The following KBTBD13 variants were observed in gnomAD, a reference collection of about 807,000 sequenced individuals.
The protein encoded by KBTBD13 is kelch repeat and BTB domain containing 13, also known as kelch repeat and BTB domain-containing protein 13.
Under a neutral mutation model 25.4 loss-of-function variants are expected in KBTBD13, and 32 were observed. The observed-to-expected ratio is 1.26, with a 90% CI of 0.95 to 1.69. The LOEUF (loss-of-function observed/expected upper bound fraction) is 1.69, where lower values mean the gene tolerates loss of function less well. Ranked by LOEUF, KBTBD13 falls within the 40% of genes most tolerant of loss-of-function variation. KBTBD13 has a pLI of 0.00. For synonymous variants in KBTBD13, 436 were observed against 329.8 expected, an observed-to-expected ratio of 1.32 and a Z score of -3.49; for missense variants, 898 against 679.5, an observed-to-expected ratio of 1.32 and a Z score of -3.57.
At position 65,078,391 on chromosome 15, in the gene KBTBD13, G is replaced by C. The variant is rs2087011274; in HGVS notation, c.*199G>C. On this transcript the variant is annotated 3_prime_UTR_variant, in exon 1 of 1. Transcript: ENST00000432196. ...GATGCCCTCAAATTACTTGGGCTCT[G>C]CTGAGAGCTGGTGGGTCACAATGTC... Among the ~76,000 whole-genome samples the C allele has an allele frequency of 6.6e-6, 1 of 152,220 alleles. No homozygotes were observed.
At position 65,077,042 on chromosome 15, in the gene KBTBD13, A is replaced by G; in HGVS notation, c.227A>G (p.Asp76Gly). The change falls in exon 1 of 1, where the codon GAC (aspartate) becomes GGC (glycine). Residue 76 changes from aspartate to glycine, a missense_variant. Coordinates refer to ENST00000432196, the MANE Select transcript of KBTBD13 (RefSeq NM_001101362.3). ...GACCGGCCGGCGCTGGCGGCGGAGG[A>G]CGAGCTGCTGCAGGCCGTGGAGTGC... Reference protein sequence around the residue: ...RGDRPALAAEDELLQAVECAA... With the variant: ...RGDRPALAAEGELLQAVECAA... 6.7e-7 allele frequency: 1 copy of G among 1,502,030 alleles called. No individual in the cohort carries two copies. The highest frequency in any genetic ancestry group is 8.9e-7 in the Non-Finnish European group (1 of 1,128,706). The allele number at this position is 1,502,030 out of a possible 1,614,324, so 93.0% of individuals were successfully genotyped here.
Position 65,078,100 on chromosome 15 carries a change from G to C in KBTBD13, c.1285G>C (p.Gly429Arg), listed in dbSNP as rs996773404. Residue 429 changes from glycine (G) to arginine (R), a missense_variant, in exon 1 of 1, where the codon GGC becomes CGC. Transcript: ENST00000432196. ...CTGGCGGCTGCTCAGGGAGAAAGCC[G>C]GCTTCCCGCGGCCCGGCTCCTTGCA... ...GTWRLLREKAGFPRPGSLQTF... is the reference protein window; with the variant it reads ...GTWRLLREKARFPRPGSLQTF... The C allele has an allele frequency of 2.5e-6, 4 of 1,583,832 alleles. No homozygotes were observed. Among genetic ancestry groups the C allele is most frequent in the Non-Finnish European group, 3.4e-6 (4 of 1,171,450 alleles).
At position 65,078,150 on chromosome 15, in the gene KBTBD13, T is replaced by C; in HGVS notation, c.1335T>C (p.Pro445=). Residue 445 remains proline (P), a synonymous_variant, in exon 1 of 1, where the codon CCT becomes CCC. Transcript: ENST00000432196. ...AGACCTTTCTCCTAAGGCTGCCTCC[T>C]GGCGCTCCTGGGCCTGTGACTTCGA... ...SLQTFLLRLP[P]GAPGPVTSTT... 1 of 1,546,552 alleles carries C rather than the reference T, an allele frequency of 6.5e-7. No individual in the cohort carries two copies. The highest frequency in any genetic ancestry group is 8.7e-7 in the Non-Finnish European group (1 of 1,151,130).
In KBTBD13 at chr15:65,078,227, C is replaced by A; in HGVS notation, c.*35C>A. The A allele has an allele frequency of 6.6e-7, 1 of 1,526,484 alleles. No individual in the cohort carries two copies. Among genetic ancestry groups the A allele is most frequent in the Non-Finnish European group, 8.8e-7 (1 of 1,139,990 alleles). The allele number at this position is 1,526,484 out of a possible 1,614,324, so 94.6% of individuals were successfully genotyped here. On this transcript the variant is annotated 3_prime_UTR_variant, in exon 1 of 1. Transcript: ENST00000432196. The stretch of plus-strand genomic sequence containing the variant: ...TGGCTTTAGGAGGGAGGAGACGCCG[C>A]GACTCCTCCCTGAGCTATGGCTGAG...
In KBTBD13 at chr15:65,077,276, C is replaced by G. The variant is rs2086987667; in HGVS notation, c.461C>G (p.Pro154Arg). 1 of 1,399,310 alleles carries G rather than the reference C, an allele frequency of 7.1e-7. No individual in the cohort carries two copies. Among genetic ancestry groups the G allele is most frequent in the Non-Finnish European group, 9.2e-7 (1 of 1,083,008 alleles). 86.7% of individuals were successfully genotyped at this position (1,399,310 alleles called of 1,614,324 possible). Residue 154 changes from proline to arginine, a missense_variant, in exon 1 of 1, where the codon CCC (proline) becomes CGC (arginine). Pro to Arg is a moderately radical substitution (Grantham distance 103). Coordinates refer to ENST00000432196, the MANE Select transcript of KBTBD13 (RefSeq NM_001101362.3). Reference protein sequence around the residue: ...EARAYVAALRPSSYAAVSTHT... With the variant: ...EARAYVAALRRSSYAAVSTHT... The stretch of plus-strand genomic sequence containing the variant: ...CGCGCCTACGTGGCGGCCCTGCGGC[C>G]CAGCAGCTACGCGGCCGTGAGCACG...
Position 65,078,061 on chromosome 15 carries a change from A to T in KBTBD13, c.1246A>T (p.Ile416Phe), listed in dbSNP as rs763604024. The part of the protein sequence containing the change: ...VNRMFTLLYA[I>F]EGGTWRLLRE... The stretch of plus-strand genomic sequence containing the variant: ...CCGCATGTTCACGCTGCTCTACGCC[A>T]TCGAGGGCGGCACCTGGCGGCTGCT... The change falls in exon 1 of 1, where the codon ATC (isoleucine) becomes TTC (phenylalanine). Residue 416 changes from isoleucine (I) to phenylalanine (F), a missense_variant. By Grantham distance (21) the Ile-to-Phe change is conservative. Coordinates refer to ENST00000432196, the MANE Select transcript of KBTBD13 (RefSeq NM_001101362.3). 5 of 1,600,656 alleles carry T rather than the reference A, an allele frequency of 3.1e-6. No homozygotes were observed. Among genetic ancestry groups the T allele is most frequent in the Non-Finnish European group, 3.4e-6 (4 of 1,178,982 alleles).
chr15:65,077,824 C>T lies in KBTBD13; in HGVS notation c.1009C>T (p.Arg337Trp), dbSNP rs1566960417. The change falls in exon 1 of 1, where the codon CGG becomes TGG. Residue 337 changes from arginine (R) to tryptophan (W), a missense_variant. Arg to Trp is a moderately radical substitution (Grantham distance 101). Coordinates refer to ENST00000432196, the MANE Select transcript of KBTBD13 (RefSeq NM_001101362.3). ...TDAWLPVAEL[R>W]RPQSYGHCMV... Reference sequence around the variant, plus strand: ...CGCGTGGCTGCCAGTGGCCGAGCTGCGGCGTCCGCAGAGCTATGGCCACTG... The same window carrying T: ...CGCGTGGCTGCCAGTGGCCGAGCTGTGGCGTCCGCAGAGCTATGGCCACTG... 2 of 1,606,022 alleles carry T rather than the reference C, an allele frequency of 1.2e-6. No homozygotes were observed. The highest frequency in any genetic ancestry group is 1.7e-6 in the Non-Finnish European group (2 of 1,178,664).
In KBTBD13 at chr15:65,077,338, C is replaced by T. The variant is rs1257424632; in HGVS notation, c.523C>T (p.Arg175Cys). 2.1e-6 allele frequency: 3 copies of T among 1,463,036 alleles called. No homozygotes were observed. Among genetic ancestry groups the T allele is most frequent in the Admixed American group, 2.4e-5 (1 of 41,294 alleles). 90.6% of individuals were successfully genotyped at this position (1,463,036 alleles called of 1,614,324 possible). The change falls in exon 1 of 1, where the codon CGC becomes TGC. Residue 175 changes from arginine to cysteine, a missense_variant. Coordinates refer to ENST00000432196, the MANE Select transcript of KBTBD13 (RefSeq NM_001101362.3). Reference protein sequence around the residue: ...PAPGFLEDASRTLCYLDEEED... With the variant: ...PAPGFLEDASCTLCYLDEEED... ...GCCCGGCTTCCTGGAGGACGCCTCGCGCACGCTGTGTTACCTGGACGAGGA... is the reference window on the plus strand; with the variant it reads ...GCCCGGCTTCCTGGAGGACGCCTCGTGCACGCTGTGTTACCTGGACGAGGA...
rs1043376338 is a variant in KBTBD13, at chr15:65,077,164, G to A, written c.349G>A (p.Gly117Ser). The change falls in exon 1 of 1, where the codon GGC (glycine) becomes AGC (serine). Residue 117 changes from glycine to serine, a missense_variant. Transcript: ENST00000432196. ...ALLCDAAAAFGLRDVFHSAAL... is the reference protein window; with the variant it reads ...ALLCDAAAAFSLRDVFHSAAL... The stretch of plus-strand genomic sequence containing the variant: ...GCTGTGCGACGCGGCCGCCGCCTTC[G>A]GCCTGCGCGACGTGTTCCACAGTGC... 7 of 1,508,908 alleles carry A rather than the reference G, an allele frequency of 4.6e-6. No homozygotes were observed. The highest frequency in any genetic ancestry group is 5.2e-5 in the East Asian group (2 of 38,568). The allele number at this position is 1,508,908 out of a possible 1,614,324, so 93.5% of individuals were successfully genotyped here.
Position 65,079,176 on chromosome 15 carries a change from TTCAGG to T in KBTBD13, c.*989_*993del, listed in dbSNP as rs2087016560. Among the ~76,000 whole-genome samples the T allele has an allele frequency of 6.6e-6, 1 of 152,220 alleles. No homozygotes were observed. Among genetic ancestry groups the T allele is most frequent in the Non-Finnish European group, 1.5e-5 (1 of 68,032 alleles). ...GCAGTGGACTGTTAACCCACATGACTTCAGGTCAGTTGAGGTATGAGCCAAATCCT... is the reference window on the plus strand; with the variant it reads ...GCAGTGGACTGTTAACCCACATGACTTCAGTTGAGGTATGAGCCAAATCCT... On this transcript the variant is annotated 3_prime_UTR_variant, in exon 1 of 1. Coordinates refer to ENST00000432196, the MANE Select transcript of KBTBD13 (RefSeq NM_001101362.3).
In KBTBD13 at chr15:65,077,533, G is replaced by T. The variant is rs1293899823; in HGVS notation, c.718G>T (p.Glu240Ter). 1 of 1,529,794 alleles carries T rather than the reference G, an allele frequency of 6.5e-7. No individual in the cohort carries two copies. Among genetic ancestry groups the T allele is most frequent in the Admixed American group, 1.9e-5 (1 of 52,216 alleles). 94.8% of individuals were successfully genotyped at this position (1,529,794 alleles called of 1,614,324 possible). The change falls in exon 1 of 1, where the codon GAG (glutamate) becomes TAG (stop). Residue 240 changes from glutamate to a stop codon, truncating the protein, a stop_gained. Transcript: ENST00000432196. LOFTEE classifies it high-confidence loss of function. The part of the protein sequence containing the change: ...CYDPDGGTWH[E>*]FPSPHQPRYD... ...CGACCCCGACGGCGGCACGTGGCACGAGTTCCCCAGCCCGCACCAGCCGCG... is the reference window on the plus strand; with the variant it reads ...CGACCCCGACGGCGGCACGTGGCACTAGTTCCCCAGCCCGCACCAGCCGCG...
In KBTBD13 at chr15:65,077,052, G is replaced by A. The variant is rs758755897; in HGVS notation, c.237G>A (p.Leu79=). 3 of 1,508,164 alleles carry A rather than the reference G, an allele frequency of 2.0e-6. No individual in the cohort carries two copies. The South Asian group carries it at 3.7e-5, about 19-fold the overall frequency. 93.4% of individuals were successfully genotyped at this position (1,508,164 alleles called of 1,614,324 possible). Residue 79 remains leucine, a synonymous_variant, in exon 1 of 1, where the codon CTG becomes CTA. Transcript: ENST00000432196. The stretch of plus-strand genomic sequence containing the variant: ...CGCTGGCGGCGGAGGACGAGCTGCT[G>A]CAGGCCGTGGAGTGCGCCGCCTTCC... ...RPALAAEDEL[L]QAVECAAFLQ... is the part of the protein sequence containing the mutation.
At position 65,077,167 on chromosome 15, in the gene KBTBD13, C is replaced by T. The variant is rs1315764343; in HGVS notation, c.352C>T (p.Leu118=). 1 of 1,507,982 alleles carries T rather than the reference C, an allele frequency of 6.6e-7. No individual in the cohort carries two copies. The highest frequency in any genetic ancestry group is 8.8e-7 in the Non-Finnish European group (1 of 1,133,600). The allele number at this position is 1,507,982 out of a possible 1,614,324, so 93.4% of individuals were successfully genotyped here. ...GTGCGACGCGGCCGCCGCCTTCGGC[C>T]TGCGCGACGTGTTCCACAGTGCCGC... The part of the protein sequence containing the change: ...LLCDAAAAFG[L]RDVFHSAALF... Residue 118 remains leucine, a synonymous_variant, in exon 1 of 1, where the codon CTG becomes TTG. Coordinates refer to ENST00000432196, the MANE Select transcript of KBTBD13 (RefSeq NM_001101362.3).
Position 65,077,314 on chromosome 15 carries a change from C to T in KBTBD13, c.499C>T (p.Pro167Ser). Residue 167 changes from proline to serine, a missense_variant, in exon 1 of 1, where the codon CCC becomes TCC. Coordinates refer to ENST00000432196, the MANE Select transcript of KBTBD13 (RefSeq NM_001101362.3). ...YAAVSTHTPA[P>S]GFLEDASRTL... ...GGCCGTGAGCACGCACACGCCCGCGCCCGGCTTCCTGGAGGACGCCTCGCG... is the reference window on the plus strand; with the variant it reads ...GGCCGTGAGCACGCACACGCCCGCGTCCGGCTTCCTGGAGGACGCCTCGCG... The T allele has an allele frequency of 7.0e-7, 1 of 1,423,814 alleles. No homozygotes were observed. Among genetic ancestry groups the T allele is most frequent in the Non-Finnish European group, 9.2e-7 (1 of 1,092,852 alleles). The allele number at this position is 1,423,814 out of a possible 1,614,324, so 88.2% of individuals were successfully genotyped here. A position where few individuals can be genotyped will look rare whatever the true frequency, so the allele number is the denominator to read the frequency against.
At position 65,079,051 on chromosome 15, in the gene KBTBD13, C is replaced by G. The variant is rs1384675456; in HGVS notation, c.*859C>G. 2.0e-5 allele frequency among the ~76,000 whole-genome samples: 3 copies of G among 152,154 alleles called. No homozygotes were observed. Among genetic ancestry groups the G allele is most frequent in the African/African-American group, 4.8e-5 (2 of 41,424 alleles). Reference sequence around the variant, plus strand: ...TGACTGAGCTGAGCCTGGAGTGAGACCTGTGGGGGCGAGAGGATTCTTCAC... The same window carrying G: ...TGACTGAGCTGAGCCTGGAGTGAGAGCTGTGGGGGCGAGAGGATTCTTCAC... On this transcript the variant is annotated 3_prime_UTR_variant, in exon 1 of 1. Coordinates refer to ENST00000432196, the MANE Select transcript of KBTBD13 (RefSeq NM_001101362.3).
Position 65,077,692 on chromosome 15 carries a change from C to A in KBTBD13, c.877C>A (p.Gln293Lys), listed in dbSNP as rs766677668. 6.3e-7 allele frequency: 1 copy of A among 1,578,520 alleles called. No homozygotes were observed. Among genetic ancestry groups the A allele is most frequent in the Admixed American group, 1.8e-5 (1 of 56,742 alleles). ...GCWSFVADLPQPAAGVPCAQA... is the reference protein window; with the variant it reads ...GCWSFVADLPKPAAGVPCAQA... ...CTGGAGTTTCGTGGCCGACCTGCCG[C>A]AGCCGGCCGCCGGCGTGCCCTGCGC... Residue 293 changes from glutamine (Q) to lysine (K), a missense_variant, in exon 1 of 1, where the codon CAG (glutamine) becomes AAG (lysine). By Grantham distance (53) the Gln-to-Lys change is moderately conservative. Coordinates refer to ENST00000432196, the MANE Select transcript of KBTBD13 (RefSeq NM_001101362.3).
In KBTBD13 at chr15:65,078,170, C is replaced by G. The variant is rs531600605; in HGVS notation, c.1355C>G (p.Thr452Ser). 6.5e-7 allele frequency: 1 copy of G among 1,542,438 alleles called. No homozygotes were observed. The highest frequency in any genetic ancestry group is 1.4e-5 in the African/African-American group (1 of 73,380). ...RLPPGAPGPV[T>S]STTAEL ...CCTCCTGGCGCTCCTGGGCCTGTGA[C>G]TTCGACAACGGCAGAACTGTGACCT... The change falls in exon 1 of 1, where the codon ACT becomes AGT. Residue 452 changes from threonine to serine, a missense_variant. Physicochemically the swap from Thr to Ser is moderately conservative, Grantham distance 58. Transcript: ENST00000432196.
At position 65,077,045 on chromosome 15, in the gene KBTBD13, A is replaced by G. The variant is rs1384295949; in HGVS notation, c.230A>G (p.Glu77Gly). 1.7e-4 allele frequency: 258 copies of G among 1,503,892 alleles called. No individual in the cohort carries two copies. The highest frequency in any genetic ancestry group is 2.2e-4 in the Non-Finnish European group (247 of 1,129,486). The allele number at this position is 1,503,892 out of a possible 1,614,324, so 93.2% of individuals were successfully genotyped here. A position where few individuals can be genotyped will look rare whatever the true frequency, so the allele number is the denominator to read the frequency against. ...GDRPALAAED[E>G]LLQAVECAAF... ...CGGCCGGCGCTGGCGGCGGAGGACG[A>G]GCTGCTGCAGGCCGTGGAGTGCGCC... Residue 77 changes from glutamate to glycine, a missense_variant, in exon 1 of 1, where the codon GAG (glutamate) becomes GGG (glycine). Physicochemically the swap from Glu to Gly is moderately conservative, Grantham distance 98. Coordinates refer to ENST00000432196, the MANE Select transcript of KBTBD13 (RefSeq NM_001101362.3).
chr15:65,077,218 G>A lies in KBTBD13; in HGVS notation c.403G>A (p.Glu135Lys), dbSNP rs530549178. ...GCTCTTCATCTGCGACGGCGAGCGC[G>A]AGCTGGCGGCCGAACTGGCGCTGCC... ...AALFICDGERELAAELALPEA... is the reference protein window; with the variant it reads ...AALFICDGERKLAAELALPEA... Residue 135 changes from glutamate (E) to lysine (K), a missense_variant, in exon 1 of 1, where the codon GAG becomes AAG. Physicochemically the swap from Glu to Lys is moderately conservative, Grantham distance 56 (BLOSUM62 1). Transcript: ENST00000432196. The A allele has an allele frequency of 4.2e-6, 6 of 1,445,458 alleles. No individual in the cohort carries two copies. The highest frequency in any genetic ancestry group is 1.4e-5 in the South Asian group (1 of 73,108). The allele number at this position is 1,445,458 out of a possible 1,614,324, so 89.5% of individuals were successfully genotyped here. A position where few individuals can be genotyped will look rare whatever the true frequency, so the allele number is the denominator to read the frequency against.
Sources: allele counts gnomAD v4.1 joint callset (sites outside exome capture counted in the v4.1 genomes callset), GRCh38; gene constraint gnomAD v4.1.1; transcripts MANE v1.5; gene names NCBI Gene and HGNC (gene_info 2026-07-23, HGNC 2026-07-21).